TNS1: variants seen among roughly 807,000 people sequenced by gnomAD.
TNS1 encodes the protein tensin-1.
Under a neutral mutation model 168.6 loss-of-function variants are expected in TNS1, and 62 were observed. The observed-to-expected ratio is 0.37, with a 90% CI of 0.30 to 0.45. The LOEUF is 0.45. Ranked by LOEUF, TNS1 falls within the 20% of genes least tolerant of loss-of-function variation. The pLI, the probability that TNS1 is intolerant of heterozygous loss-of-function variation, is 1.00. For missense variants in TNS1, 2,240 were observed against 2,339.4 expected (o/e 0.96, Z 0.88); for synonymous variants, 934 against 933.2 (o/e 1.00, Z -0.02).
At chr2:217,838,141 C>G (rs1232484493) in intron 19 of TNS1, among the ~76,000 whole-genome samples, 3 of 152,246 alleles carry the variant, frequency 2.0e-5, no homozygotes, top group African/African-American at 7.2e-5. Flanking sequence ...GTCTCAGTTC[C>G]GGGCTCCTCT....
At chr2:217,954,756 A>T (rs1262498652) in intron 3 of TNS1, among the ~76,000 whole-genome samples, 1 of 152,086 alleles carries the variant, frequency 6.6e-6, no homozygotes, top group East Asian at 1.9e-4. Flanking sequence ...TCCTTCCACC[A>T]TCCAGCCTCC....
At chr2:218,010,204 C>A in exon 1 of TNS1, 2 of 398,902 alleles carry the variant, frequency 5.0e-6, no homozygotes, top group East Asian at 7.1e-5. Flanking sequence ...ATGCTGACCC[C>A]GAGAGTGGGC....
At chr2:218,024,942 TA>T (rs1958839220) in intron 1 of TNS1, among the ~76,000 whole-genome samples, 1 of 152,096 alleles carries the variant, frequency 6.6e-6, no homozygotes, top group African/African-American at 2.4e-5. Flanking sequence ...CCATGTCAAC[TA>T]AAACAACTGA....
chr2:217,982,777 C>A (rs1211971405), intron 2 of TNS1, among the ~76,000 whole-genome samples: 1 of 152,154 alleles, frequency 6.6e-6, no homozygotes, highest in Admixed American at 6.5e-5. Context: ...GAACACAAGA[C>A]CCATCAGAAT....
intron 22 of TNS1, among the ~76,000 whole-genome samples, chr2:217,826,518 G>A (rs1943641148): frequency 6.6e-6 from 1 of 152,134 alleles, no homozygotes; most frequent in Admixed American, 6.5e-5. Context: ...GCTAGGATCA[G>A]GTGAGAAGAG....
chr2:217,845,116 AG>A (rs1450044048), intron 19 of TNS1, among the ~76,000 whole-genome samples: 1 of 152,214 alleles, frequency 6.6e-6, no homozygotes, highest in Non-Finnish European at 1.5e-5. Flanking sequence ...ATAAGGCACA[AG>A]GGTGATTGGA....
intron 21 of TNS1, among the ~76,000 whole-genome samples, chr2:217,834,516 G>A (rs1303540992): frequency 6.6e-6 from 1 of 152,188 alleles, no homozygotes; most frequent in East Asian, 1.9e-4. Context: ...TTGGCCTTAG[G>A]TGGATGTGTC....
At position 217,802,729 on chromosome 2, in the gene TNS1, G is replaced by T. The variant is rs879618037; in HGVS notation, c.*1730C>A. 1.3e-4 allele frequency: 20 copies of T among 152,604 alleles called. No homozygotes were observed. Among genetic ancestry groups the T allele is most frequent in the Non-Finnish European group, 2.4e-4 (16 of 68,030 alleles). 9.5% of individuals were successfully genotyped at this position (152,604 alleles called of 1,614,324 possible). A position where few individuals can be genotyped will look rare whatever the true frequency, so the allele number is the denominator to read the frequency against. On this transcript the variant is annotated 3_prime_UTR_variant, in exon 33 of 33. Coordinates refer to ENST00000682258, the MANE Select transcript of TNS1 (RefSeq NM_001387777.1). ...AGGAATTGGTTTATCCCCAAGGAAG[G>T]CAATAAAGCAATATGGAAAAACAAT...
At chr2:217,846,790 G>A (rs1186354275) in intron 19 of TNS1, among the ~76,000 whole-genome samples, 1 of 152,202 alleles carries the variant, frequency 6.6e-6, no homozygotes, top group Non-Finnish European at 1.5e-5. Context: ...TCTCCCAAAA[G>A]AGAAGCCCAC....
At chr2:217,806,483 G>C (rs968335688) in intron 32 of TNS1, among the ~76,000 whole-genome samples, 2 of 152,202 alleles carry the variant, frequency 1.3e-5, no homozygotes, top group Non-Finnish European at 2.9e-5. Flanking sequence ...TCCTGAAGGA[G>C]GAAAAGAGGG....
chr2:217,978,301 C>A (rs572173405), intron 3 of TNS1, among the ~76,000 whole-genome samples: 33 of 152,318 alleles, frequency 2.2e-4, no homozygotes, highest in Non-Finnish European at 4.0e-4. Flanking sequence ...TCCATTTATC[C>A]CACCCACCCG....
chr2:217,813,655 C>A lies in TNS1; in HGVS notation c.4861+30G>T. On this transcript the variant is annotated intron_variant, in intron 26 of 32. Transcript: ENST00000682258. The surrounding 1 kb of genome is among the most constrained non-coding windows in gnomAD (Gnocchi z 4.0). Reference sequence around the variant, plus strand: ...TTAGCGACTGTAAAGCTCACCTGGTCCTGAGCCCCATTCTGGGAGATGAGG... The same window carrying A: ...TTAGCGACTGTAAAGCTCACCTGGTACTGAGCCCCATTCTGGGAGATGAGG... The A allele has an allele frequency of 6.3e-7, 1 of 1,588,784 alleles. No homozygotes were observed. Among genetic ancestry groups the A allele is most frequent in the South Asian group, 1.2e-5 (1 of 86,526 alleles).
At chr2:217,819,693 A>G (rs947954050) in intron 23 of TNS1, among the ~76,000 whole-genome samples, 1 of 152,230 alleles carries the variant, frequency 6.6e-6, no homozygotes, top group African/African-American at 2.4e-5. Context: ...CATGTGGAAA[A>G]TGACAGGACT....
intron 22 of TNS1, among the ~76,000 whole-genome samples, chr2:217,827,819 C>T (rs1271701346): frequency 6.6e-6 from 1 of 152,188 alleles, no homozygotes; most frequent in South Asian, 2.1e-4. Flanking sequence ...ATGAGAGTAA[C>T]TCAGCAGGTG....
intron 18 of TNS1, among the ~76,000 whole-genome samples, chr2:217,878,037 T>C (rs1039068437): frequency 4.6e-5 from 7 of 152,192 alleles, no homozygotes; most frequent in South Asian, 2.1e-4. Flanking sequence ...TTGGACACCC[T>C]TCCCTCTACC....
At chr2:218,021,916 G>T (rs1422336681) in intron 1 of TNS1, among the ~76,000 whole-genome samples, 1 of 152,240 alleles carries the variant, frequency 6.6e-6, no homozygotes, top group African/African-American at 2.4e-5. Flanking sequence ...GGGTGAAGGG[G>T]CACCGTGGCT....
rs771077138 is a variant in TNS1 at position 217,831,586 on chromosome 2, G to T, written c.3281-39C>A. The T allele has an allele frequency of 9.8e-6, 14 of 1,428,748 alleles. No individual in the cohort carries two copies. In the Middle Eastern group the frequency reaches 1.5e-3, roughly 156 times the overall value. The allele number at this position is 1,428,748 out of a possible 1,614,324, so 88.5% of individuals were successfully genotyped here. A position where few individuals can be genotyped will look rare whatever the true frequency, so the allele number is the denominator to read the frequency against. On this transcript the variant is annotated intron_variant, in intron 21 of 32. Coordinates refer to ENST00000682258, the MANE Select transcript of TNS1 (RefSeq NM_001387777.1). ...AAGAGGGGAGACACAGGGAGTGAGA[G>T]GTGGGCAGGAGGGCAGACACGCCAG...
chr2:217,999,362 C>T (rs1338133449), intron 1 of TNS1, among the ~76,000 whole-genome samples: 1 of 152,214 alleles, frequency 6.6e-6, no homozygotes, highest in Admixed American at 6.5e-5. Context: ...CAAAACCGAA[C>T]AACCCTATAG....
chr2:217,985,046 C>T (rs1958158968), intron 2 of TNS1, among the ~76,000 whole-genome samples: 1 of 151,768 alleles, frequency 6.6e-6, no homozygotes, highest in Admixed American at 6.6e-5. Context: ...AGTGAGCCAC[C>T]ACACCTGGCA....
Sources: gnomAD v4.1 joint callset for allele counts (sites outside exome capture counted in the v4.1 genomes callset) on GRCh38, gnomAD v4.1.1 for gene constraint, Gnocchi (gnomAD v3.1) non-coding constraint, MANE v1.5 for transcripts, NCBI Gene and HGNC (gene_info 2026-07-23, HGNC 2026-07-21) for gene names.